Variants in TSHZ2 observed in about 807,000 individuals in gnomAD.
The protein encoded by TSHZ2 is teashirt homolog 2.
In TSHZ2, 21 loss-of-function variants were observed where a neutral mutation model predicts 74.4. That is an observed-to-expected ratio of 0.28 (90% CI 0.20 to 0.41). The LOEUF is 0.41. Ranked by LOEUF, TSHZ2 falls within the 10% of genes least tolerant of loss-of-function variation. The probability of loss-of-function intolerance (pLI) is 1.00; values close to 1 mark genes in which losing one functional copy is unlikely to be tolerated. For synonymous variants in TSHZ2, 540 were observed against 515.3 expected, an observed-to-expected ratio of 1.05 and a Z score of -0.65; for missense variants, 1,244 against 1,293.5, an observed-to-expected ratio of 0.96 and a Z score of 0.59.
chr20:53,102,115 G>T (rs192686644), intron 1 of TSHZ2, among the ~76,000 whole-genome samples: 17 of 152,214 alleles, frequency 1.1e-4, no homozygotes, highest in Admixed American at 1.1e-3. Context: ...TCCAGGCAAT[G>T]AGAAATTTCC....
At chr20:53,413,377 C>T (rs1198693045) in intron 2 of TSHZ2, among the ~76,000 whole-genome samples, 1 of 152,240 alleles carries the variant, frequency 6.6e-6, no homozygotes, top group Non-Finnish European at 1.5e-5. Flanking sequence ...CTTAGAAATC[C>T]TGCAGTGTGG....
chr20:53,237,961 T>C (rs1033641035), intron 1 of TSHZ2, among the ~76,000 whole-genome samples: 2 of 152,180 alleles, frequency 1.3e-5, no homozygotes, highest in African/African-American at 2.4e-5. Flanking sequence ...AATCCACATA[T>C]ATAGACTTGC....
chr20:53,250,534 T>G (rs1452075737), intron 1 of TSHZ2, among the ~76,000 whole-genome samples: 1 of 152,176 alleles, frequency 6.6e-6, no homozygotes, highest in East Asian at 1.9e-4. Flanking sequence ...TAAAATACAC[T>G]CACTTTGACA....
intron 1 of TSHZ2, among the ~76,000 whole-genome samples, chr20:53,095,007 A>G (rs1294146420): frequency 6.6e-6 from 1 of 152,200 alleles, no homozygotes; most frequent in Non-Finnish European, 1.5e-5. Flanking sequence ...TCAAAGTGAA[A>G]GGTGTATAAG....
intron 1 of TSHZ2, among the ~76,000 whole-genome samples, chr20:53,248,160 T>G (rs533086026): frequency 6.6e-6 from 1 of 152,292 alleles, no homozygotes; most frequent in Non-Finnish European, 1.5e-5. Context: ...AGCCTCAACC[T>G]TCTGGGCTCA....
chr20:53,200,758 T>C (rs1274135204), intron 1 of TSHZ2, among the ~76,000 whole-genome samples: 2 of 152,240 alleles, frequency 1.3e-5, no homozygotes, highest in Non-Finnish European at 2.9e-5. Context: ...TAAATAGTAC[T>C]GGTTGTTTCT....
intron 1 of TSHZ2, among the ~76,000 whole-genome samples, chr20:53,152,947 T>C (rs1480423277): frequency 6.6e-6 from 1 of 152,054 alleles, no homozygotes; most frequent in Non-Finnish European, 1.5e-5. Context: ...GAAAGAACAC[T>C]CAGAGAAAGT....
At chr20:53,361,421 A>G (rs1347210133) in intron 2 of TSHZ2, among the ~76,000 whole-genome samples, 1 of 152,226 alleles carries the variant, frequency 6.6e-6, no homozygotes, top group Non-Finnish European at 1.5e-5. Flanking sequence ...GGCTTCTCCA[A>G]CATTCCTCTC....
chr20:53,420,341 G>A (rs1013600786), intron 2 of TSHZ2, among the ~76,000 whole-genome samples: 1 of 152,160 alleles, frequency 6.6e-6, no homozygotes, highest in African/African-American at 2.4e-5. Flanking sequence ...GAGGAAAACA[G>A]CAAAAGCAAT....
At chr20:53,166,859 G>C (rs749183365) in intron 1 of TSHZ2, among the ~76,000 whole-genome samples, 1 of 152,186 alleles carries the variant, frequency 6.6e-6, no homozygotes, top group Non-Finnish European at 1.5e-5. Flanking sequence ...GTTTGAAAAA[G>C]ACAATAAACA....
At chr20:53,109,946 C>T (rs181291674) in intron 1 of TSHZ2, among the ~76,000 whole-genome samples, 7 of 152,324 alleles carry the variant, frequency 4.6e-5, no homozygotes, top group East Asian at 1.9e-4. Flanking sequence ...AAAATAGCAA[C>T]CTTCAAGAAG....
rs74849001 is a variant in TSHZ2 at position 53,488,633 on chromosome 20, C to G, written c.*1498C>G. The stretch of plus-strand genomic sequence containing the variant: ...GCTATGGTGAAATATTTATACTATT[C>G]TAGGCACAACACTAGGAACTAGGTG... On this transcript the variant is annotated 3_prime_UTR_variant, in exon 3 of 3. Transcript: ENST00000371497. 2.2e-3 allele frequency: 513 copies of G among 233,360 alleles called. 5 individuals carry two copies. Among genetic ancestry groups the G allele is most frequent in the African/African-American group, 0.011 (464 of 42,830 alleles). 14.5% of individuals were successfully genotyped at this position (233,360 alleles called of 1,614,324 possible).
At chr20:53,122,109 A>T (rs958919735) in intron 1 of TSHZ2, among the ~76,000 whole-genome samples, 9 of 152,006 alleles carry the variant, frequency 5.9e-5, no homozygotes, top group African/African-American at 2.2e-4. Flanking sequence ...CAACATGGAG[A>T]AACTCTGTCT....
intron 2 of TSHZ2, among the ~76,000 whole-genome samples, chr20:53,472,729 A>C (rs372356046): frequency 9.9e-5 from 15 of 151,780 alleles, no homozygotes; most frequent in South Asian, 6.3e-4. Context: ...TGATTTCTGC[A>C]TTTCCATCTG....
rs1462119393 is a variant in TSHZ2 at position 53,255,477 on chromosome 20, A to G, written c.2019A>G (p.Thr673=). Residue 673 remains threonine, a synonymous_variant, in exon 2 of 3, where the codon ACA becomes ACG. Transcript: ENST00000371497. This position sits in a 1 kb window ranked among gnomAD's most constrained non-coding sequence, Gnocchi z 4.1. ...EKEKPQPLEP[T]SALSNGCALA... is the part of the protein sequence containing the mutation. Reference sequence around the variant, plus strand: ...AGAAACCCCAGCCCCTGGAGCCCACATCTGCTCTGAGCAATGGGTGCGCCC... The same window carrying G: ...AGAAACCCCAGCCCCTGGAGCCCACGTCTGCTCTGAGCAATGGGTGCGCCC... The G allele has an allele frequency of 6.2e-7, 1 of 1,607,110 alleles. No individual in the cohort carries two copies. Among genetic ancestry groups the G allele is most frequent in the South Asian group, 1.1e-5 (1 of 90,506 alleles).
chr20:53,299,985 C>G (rs1228372018), intron 2 of TSHZ2, among the ~76,000 whole-genome samples: 2 of 152,234 alleles, frequency 1.3e-5, no homozygotes, highest in Admixed American at 1.3e-4. Flanking sequence ...TTATTTACTT[C>G]CCTCGTGCTG....
intron 2 of TSHZ2, among the ~76,000 whole-genome samples, chr20:53,275,007 T>G (rs954338171): frequency 6.6e-6 from 1 of 152,150 alleles, no homozygotes; most frequent in Non-Finnish European, 1.5e-5. Flanking sequence ...CAAGCATTGA[T>G]TTTTTTCTGC....
chr20:53,416,436 G>A (rs1983257778), intron 2 of TSHZ2, among the ~76,000 whole-genome samples: 1 of 152,192 alleles, frequency 6.6e-6, no homozygotes, highest in Non-Finnish European at 1.5e-5. Flanking sequence ...AGGGCTGTGA[G>A]CTTGAGAGCT....
At chr20:53,325,068 T>C (rs1424894225) in intron 2 of TSHZ2, among the ~76,000 whole-genome samples, 3 of 152,244 alleles carry the variant, frequency 2.0e-5, no homozygotes, top group East Asian at 1.9e-4. Flanking sequence ...CCAGAAGCAG[T>C]GTTTGGTCTT....
Sources: gnomAD v4.1 joint callset for allele counts (sites outside exome capture counted in the v4.1 genomes callset) on GRCh38, gnomAD v4.1.1 for gene constraint, Gnocchi (gnomAD v3.1) non-coding constraint, MANE v1.5 for transcripts, NCBI Gene and HGNC (gene_info 2026-07-23, HGNC 2026-07-21) for gene names.